ADAMTS18: variants seen among roughly 807,000 people sequenced by gnomAD.
ADAMTS18 encodes A disintegrin and metalloproteinase with thrombospondin motifs 18.
In ADAMTS18, 157 loss-of-function variants were observed where a neutral mutation model predicts 165.9. The observed-to-expected ratio is 0.95, with a 90% CI of 0.83 to 1.08. The LOEUF (loss-of-function observed/expected upper bound fraction) is 1.08. Ranked by LOEUF, ADAMTS18 falls within the 50% of genes least tolerant of loss-of-function variation. ADAMTS18 has a pLI of 0.00. For missense variants in ADAMTS18, 2,040 were observed against 1,534.0 expected, an observed-to-expected ratio of 1.33 and a Z score of -5.51; for synonymous variants, 782 against 578.2, an observed-to-expected ratio of 1.35 and a Z score of -5.06.
At chr16:77,314,627 GTGTGTGTA>G (rs2144624467) in intron 16 of ADAMTS18, among the ~76,000 whole-genome samples, 1 of 109,566 alleles carries the variant, frequency 9.1e-6, no homozygotes, top group Admixed American at 8.8e-5. Flanking sequence ...AAAAAAAAAT[GTGTGTGTA>G]TGTGTGTGTG....
chr16:77,431,427 G>T lies in ADAMTS18; in HGVS notation c.363C>A (p.His121Gln), dbSNP rs767975766. The T allele has an allele frequency of 2.5e-6, 4 of 1,614,062 alleles. No individual in the cohort carries two copies. The highest frequency in any genetic ancestry group is 2.2e-5 in the South Asian group (2 of 91,088). ...CTTTTCCAAGTACCTGGACAATAAA[G>T]TGACTGCTCAAAATCGCCGAGGGCT... ...ELKPSAILSS[H>Q]FIVQVLGKDG... Residue 121 changes from histidine to glutamine, a missense_variant, in exon 3 of 23, where the codon CAC (histidine) becomes CAA (glutamine). Coordinates refer to ENST00000282849, the MANE Select transcript of ADAMTS18 (RefSeq NM_199355.4).
At chr16:77,368,169 C>A (rs1275779952) in intron 3 of ADAMTS18, among the ~76,000 whole-genome samples, 1 of 152,122 alleles carries the variant, frequency 6.6e-6, no homozygotes, top group East Asian at 1.9e-4. Context: ...CTATTATCAC[C>A]ACCCCCATTT....
chr16:77,392,619 T>C (rs534341163), intron 3 of ADAMTS18, among the ~76,000 whole-genome samples: 2 of 152,162 alleles, frequency 1.3e-5, no homozygotes, highest in South Asian at 2.1e-4. Flanking sequence ...CTATGGTCCA[T>C]TTCTACACTA....
chr16:77,343,448 G>C (rs1248227227), intron 10 of ADAMTS18, among the ~76,000 whole-genome samples: 1 of 152,214 alleles, frequency 6.6e-6, no homozygotes, highest in Non-Finnish European at 1.5e-5. Context: ...GTCACACTAA[G>C]TTTGTGGAAA....
At chr16:77,427,948 A>G (rs2057694153) in intron 3 of ADAMTS18, among the ~76,000 whole-genome samples, 1 of 152,196 alleles carries the variant, frequency 6.6e-6, no homozygotes, top group African/African-American at 2.4e-5. Flanking sequence ...CACTATTATA[A>G]CCATTCTACC....
chr16:77,328,344 C>T (rs528661714), intron 12 of ADAMTS18, among the ~76,000 whole-genome samples: 6 of 152,134 alleles, frequency 3.9e-5, no homozygotes, highest in South Asian at 2.1e-4. Context: ...ACATGAAAGG[C>T]GGCTCCAGGT....
chr16:77,341,649 A>T, intron 11 of ADAMTS18, 55 bp downstream of exon 11: 1 of 1,405,258 alleles, frequency 7.1e-7, no homozygotes, highest in Non-Finnish European at 1.0e-6. Flanking sequence ...AAACAGTTTG[A>T]ATTCTATGCC....
At position 77,366,554 on chromosome 16, in the gene ADAMTS18, C is replaced by T. The variant is rs1316832971; in HGVS notation, c.778+887G>A. On this transcript the variant is annotated intron_variant, in intron 4 of 22. Transcript: ENST00000282849. ...AGCCTGGGCGAAAGAGTGAAACTGT[C>T]TCAAACAAAACAAAACAAAAACAAA... 3.3e-5 allele frequency among the ~76,000 whole-genome samples: 5 copies of T among 152,036 alleles called. No individual in the cohort carries two copies. The South Asian group carries it at 6.2e-4, about 19-fold the overall frequency.
chr16:77,353,713 G>A lies in ADAMTS18; in HGVS notation c.1614+20C>T. 1 of 1,614,118 alleles carries A rather than the reference G, an allele frequency of 6.2e-7. No individual in the cohort carries two copies. Among genetic ancestry groups the A allele is most frequent in the Non-Finnish European group, 8.5e-7 (1 of 1,179,996 alleles). ...CATTGCAGAGTCTTAATGTAAGTTT[G>A]AAATCACAAGCAAACATACCTTCAC... On this transcript the variant is annotated intron_variant, in intron 10 of 22. Coordinates refer to ENST00000282849, the MANE Select transcript of ADAMTS18 (RefSeq NM_199355.4).
intron 22 of ADAMTS18, among the ~76,000 whole-genome samples, chr16:77,287,750 G>T (rs2055281314): frequency 6.6e-6 from 1 of 152,104 alleles, no homozygotes; most frequent in Non-Finnish European, 1.5e-5. Flanking sequence ...GGGATTACAG[G>T]TGTGAGCCAC....
intron 3 of ADAMTS18, among the ~76,000 whole-genome samples, chr16:77,419,199 T>C (rs1180032446): frequency 6.6e-6 from 1 of 152,148 alleles, no homozygotes; most frequent in Non-Finnish European, 1.5e-5. Context: ...GTCTGAAGTG[T>C]GGGTACAGTG....
intron 18 of ADAMTS18, 138 bp downstream of exon 18, chr16:77,297,151 A>G: frequency 1.5e-6 from 2 of 1,296,416 alleles, no homozygotes; most frequent in Non-Finnish European, 2.2e-6. Context: ...ATCATCTTCT[A>G]TTACTTTTTA....
At position 77,382,777 on chromosome 16, in the gene ADAMTS18, C is replaced by A. The variant is rs191520738; in HGVS notation, c.496-15054G>T. On this transcript the variant is annotated intron_variant, in intron 3 of 22. Transcript: ENST00000282849. ...CTAGCATGTCTCGATTTAATGGAAA[C>A]CAGACTTTCCATGAAGTTCACATGG... 4.2e-3 allele frequency among the ~76,000 whole-genome samples: 642 copies of A among 152,296 alleles called. 1 individual carries two copies. Among genetic ancestry groups the A allele is most frequent in the African/African-American group, 0.013 (522 of 41,572 alleles).
chr16:77,367,788 T>C (rs945670592), intron 3 of ADAMTS18, 65 bp from the exon 4 acceptor site: 13 of 1,593,116 alleles, frequency 8.2e-6, no homozygotes, highest in Admixed American at 3.3e-5. Context: ...GGGTTGGTTT[T>C]CAACAACTGC....
At chr16:77,336,383 T>C (rs1389918050) in intron 11 of ADAMTS18, among the ~76,000 whole-genome samples, 1 of 152,224 alleles carries the variant, frequency 6.6e-6, no homozygotes, top group Non-Finnish European at 1.5e-5. Flanking sequence ...ATTAACACGA[T>C]TTATCATTCT....
intron 3 of ADAMTS18, among the ~76,000 whole-genome samples, chr16:77,394,395 G>C (rs1380268014): frequency 6.6e-6 from 1 of 152,110 alleles, no homozygotes; most frequent in Non-Finnish European, 1.5e-5. Flanking sequence ...AGATGAAAAA[G>C]ACAATAGCTT....
chr16:77,395,937 G>A (rs1367379056), intron 3 of ADAMTS18, among the ~76,000 whole-genome samples: 1 of 152,156 alleles, frequency 6.6e-6, no homozygotes, highest in Non-Finnish European at 1.5e-5. Flanking sequence ...TAATGTTTTT[G>A]AAGCATTTAC....
chr16:77,386,737 C>T (rs1025169722), intron 3 of ADAMTS18, among the ~76,000 whole-genome samples: 1 of 152,138 alleles, frequency 6.6e-6, no homozygotes, highest in African/African-American at 2.4e-5. Context: ...TTATAGCTGT[C>T]AGATCACCTA....
At chr16:77,426,910 G>A (rs1270275870) in intron 3 of ADAMTS18, among the ~76,000 whole-genome samples, 3 of 152,026 alleles carry the variant, frequency 2.0e-5, no homozygotes, top group Middle Eastern at 3.2e-3. Context: ...GCTACTTGGG[G>A]GGCTGAGTTG....
Sources: allele counts gnomAD v4.1 joint callset (sites outside exome capture counted in the v4.1 genomes callset), GRCh38; gene constraint gnomAD v4.1.1; transcripts MANE v1.5; gene names NCBI Gene and HGNC (gene_info 2026-07-23, HGNC 2026-07-21).